The following METTL25 variants were observed in gnomAD, a reference collection of about 807,000 sequenced individuals.
The protein encoded by METTL25 is probable methyltransferase-like protein 25.
In METTL25, 64 loss-of-function variants were observed where a neutral mutation model predicts 71.6. The observed-to-expected ratio is 0.89, with a 90% CI of 0.73 to 1.10. The LOEUF is 1.10. Ranked by LOEUF, METTL25 falls within the 50% of genes least tolerant of loss-of-function variation. METTL25 has a pLI of 0.00. For synonymous variants in METTL25, 287 were observed against 250.3 expected (o/e 1.15, Z -1.38); for missense variants, 807 against 707.0 (o/e 1.14, Z -1.60).
intron 1 of METTL25, among the ~76,000 whole-genome samples, chr12:82,363,138 A>C (rs982594258): frequency 2.0e-5 from 3 of 152,178 alleles, no homozygotes; most frequent in African/African-American, 7.2e-5. Context: ...GAGATCTAAG[A>C]TCTGAGTATA....
At chr12:82,466,457 T>C (rs1373441747) in intron 9 of METTL25, among the ~76,000 whole-genome samples, 2 of 152,036 alleles carry the variant, frequency 1.3e-5, no homozygotes, top group African/African-American at 4.8e-5. Flanking sequence ...TCAGATAAGA[T>C]ATTTGGTATG....
chr12:82,366,228 A>G (rs1447638706), intron 1 of METTL25, among the ~76,000 whole-genome samples: 4 of 152,266 alleles, frequency 2.6e-5, no homozygotes, highest in African/African-American at 2.4e-5. Context: ...ATACATTTGT[A>G]TTTCAAAGTC....
intron 1 of METTL25, among the ~76,000 whole-genome samples, chr12:82,381,036 C>T (rs1212453715): frequency 6.6e-6 from 1 of 152,158 alleles, no homozygotes; most frequent in Non-Finnish European, 1.5e-5. Context: ...GAACCCCCTT[C>T]AATCCATATT....
chr12:82,456,718 GT>G lies in METTL25; in HGVS notation c.1479-5del. 6.5e-7 allele frequency: 1 copy of G among 1,534,140 alleles called. No homozygotes were observed. The highest frequency in any genetic ancestry group is 8.9e-7 in the Non-Finnish European group (1 of 1,126,308). On this transcript the variant is annotated splice_region_variant and splice_polypyrimidine_tract_variant and intron_variant, in intron 8 of 11. Coordinates refer to ENST00000248306, the MANE Select transcript of METTL25 (RefSeq NM_032230.3). ...AAAAACTAAAAATTTATTCAATTTT[GT>G]TTTACAGTGATCGGCATGTTGGTAA... is the stretch of plus-strand genomic sequence containing the variant.
intron 8 of METTL25, among the ~76,000 whole-genome samples, chr12:82,454,166 A>G (rs1406191772): frequency 1.3e-5 from 2 of 151,962 alleles, no homozygotes; most frequent in Non-Finnish European, 2.9e-5. Context: ...TTAAAATATC[A>G]AGGGGGAGAT....
intron 1 of METTL25, among the ~76,000 whole-genome samples, chr12:82,364,220 G>T (rs1417573517): frequency 6.6e-6 from 1 of 152,194 alleles, no homozygotes; most frequent in Non-Finnish European, 1.5e-5. Context: ...GTTGCTGAAG[G>T]CTTGATTGAG....
At chr12:82,410,419 T>G (rs751739370) in intron 5 of METTL25, among the ~76,000 whole-genome samples, 33 of 152,144 alleles carry the variant, frequency 2.2e-4, no homozygotes, top group Non-Finnish European at 1.2e-4. Flanking sequence ...CAAGACTATT[T>G]ACTGCTATGG....
intron 1 of METTL25, among the ~76,000 whole-genome samples, chr12:82,382,524 A>G (rs150598377): frequency 7.9e-5 from 12 of 152,280 alleles, no homozygotes; most frequent in East Asian, 3.9e-4. Context: ...TGATGATGCT[A>G]CAAACTGTAC....
intron 8 of METTL25, among the ~76,000 whole-genome samples, chr12:82,451,083 T>C (rs1358703864): frequency 6.6e-6 from 1 of 152,142 alleles, no homozygotes; most frequent in Admixed American, 6.6e-5. Flanking sequence ...AGAACCTGAC[T>C]CCAGAGTATT....
intron 1 of METTL25, among the ~76,000 whole-genome samples, chr12:82,373,023 C>T (rs1883428486): frequency 6.6e-6 from 1 of 152,176 alleles, no homozygotes. Context: ...CCGACGCATT[C>T]TCGAAAACCT....
At chr12:82,389,181 T>C (rs1455704251) in intron 2 of METTL25, among the ~76,000 whole-genome samples, 1 of 152,136 alleles carries the variant, frequency 6.6e-6, no homozygotes, top group African/African-American at 2.4e-5. Context: ...AGTACTGTAG[T>C]TCTGCAATGA....
chr12:82,479,089 A>G lies in METTL25; in HGVS notation c.*65A>G. 1 of 1,362,460 alleles carries G rather than the reference A, an allele frequency of 7.3e-7. No homozygotes were observed. Among genetic ancestry groups the G allele is most frequent in the Non-Finnish European group, 1.0e-6 (1 of 955,588 alleles). 84.4% of individuals were successfully genotyped at this position (1,362,460 alleles called of 1,614,324 possible). ...GACCTGTTGCTGAGATTGCTTTTCT[A>G]AACATATATGTCCTGTTATACAAAA... On this transcript the variant is annotated 3_prime_UTR_variant, in exon 12 of 12. Transcript: ENST00000248306.
At chr12:82,452,733 G>A (rs778723361) in intron 8 of METTL25, among the ~76,000 whole-genome samples, 1 of 151,948 alleles carries the variant, frequency 6.6e-6, no homozygotes, top group Non-Finnish European at 1.5e-5. Flanking sequence ...ACTTTCAAAG[G>A]TTCTAAAGTC....
intron 8 of METTL25, chr12:82,451,215 AGT>A (rs1891126397): frequency 1.3e-6 from 1 of 744,060 alleles, no homozygotes; most frequent in South Asian, 6.1e-5. Flanking sequence ...ATTTCTTAAA[AGT>A]GAATGCTTCA....
At chr12:82,425,023 G>T (rs1888893817) in intron 5 of METTL25, among the ~76,000 whole-genome samples, 1 of 151,980 alleles carries the variant, frequency 6.6e-6, no homozygotes, top group Non-Finnish European at 1.5e-5. Context: ...TGGTTATTTT[G>T]TTACTGCAGC....
At chr12:82,379,487 T>A (rs1884213658) in intron 1 of METTL25, among the ~76,000 whole-genome samples, 1 of 149,156 alleles carries the variant, frequency 6.7e-6, no homozygotes. Flanking sequence ...AAATGAAGTT[T>A]AAAGTTTATT....
chr12:82,432,566 T>C (rs950999083), intron 6 of METTL25, among the ~76,000 whole-genome samples: 24 of 151,794 alleles, frequency 1.6e-4, no homozygotes, highest in Admixed American at 9.2e-4. Context: ...AAAAAAGAAT[T>C]ATTTCTATTA....
At chr12:82,442,713 A>T (rs900924524) in intron 8 of METTL25, among the ~76,000 whole-genome samples, 1 of 152,188 alleles carries the variant, frequency 6.6e-6, no homozygotes, top group African/African-American at 2.4e-5. Flanking sequence ...GTGGAAATTC[A>T]GATGAAGAGT....
intron 5 of METTL25, among the ~76,000 whole-genome samples, chr12:82,419,666 C>T (rs1392523497): frequency 4.1e-5 from 6 of 145,484 alleles, no homozygotes; most frequent in Admixed American, 2.9e-4. Flanking sequence ...TGAAATGTCA[C>T]CTCATACCTG....
Sources: allele counts gnomAD v4.1 joint callset (sites outside exome capture counted in the v4.1 genomes callset), GRCh38; gene constraint gnomAD v4.1.1; transcripts MANE v1.5; gene names NCBI Gene and HGNC (gene_info 2026-07-23, HGNC 2026-07-21).